The following SDHAF4 variants were observed in gnomAD, a reference collection of about 807,000 sequenced individuals.
SDHAF4 encodes the protein succinate dehydrogenase complex assembly factor 4, also known as succinate dehydrogenase assembly factor 4, mitochondrial.
In SDHAF4, 14 loss-of-function variants were observed where a neutral mutation model predicts 14.3. The observed-to-expected ratio is 0.98, with a 90% CI of 0.65 to 1.53. The LOEUF (loss-of-function observed/expected upper bound fraction) is 1.53, where lower values mean the gene tolerates loss of function less well. SDHAF4 is among the 40% of genes most tolerant of loss of function. The probability of loss-of-function intolerance (pLI) is 0.00; values close to 1 mark genes in which losing one functional copy is unlikely to be tolerated. For missense variants in SDHAF4, 141 were observed against 129.3 expected (o/e 1.09, Z -0.44); for synonymous variants, 63 against 47.3 (o/e 1.33, Z -1.36).
chr6:70,584,949 T>C (rs540016661), intron 2 of SDHAF4, among the ~76,000 whole-genome samples: 244 of 152,334 alleles, frequency 1.6e-3, no homozygotes, highest in African/African-American at 5.3e-3. Context: ...TCTTGGAGTT[T>C]ATTATAAGAC....
At chr6:70,573,648 T>TTTTTCTTTTC (rs752249033) in intron 1 of SDHAF4, among the ~76,000 whole-genome samples, 1 of 151,614 alleles carries the variant, frequency 6.6e-6, no homozygotes, top group African/African-American at 2.4e-5. Flanking sequence ...CTAATTTTTC[T>TTTTTCTTTTC]TTTTCTTTTC....
Position 70,589,385 on chromosome 6 carries a change from C to G in SDHAF4, c.*661C>G, listed in dbSNP as rs1000649552. The G allele has an allele frequency of 2.6e-5, 4 of 152,094 alleles. No homozygotes were observed. The highest frequency in any genetic ancestry group is 5.9e-5 in the Non-Finnish European group (4 of 68,054). 9.4% of individuals were successfully genotyped at this position (152,094 alleles called of 1,614,324 possible). ...TTCACCATGTTAGCCAGGCTGGTCT[C>G]GAACTCCTGACCTCAGTTGATCCAC... On this transcript the variant is annotated 3_prime_UTR_variant, in exon 3 of 3. Transcript: ENST00000370474.
At position 70,579,491 on chromosome 6, in the gene SDHAF4, C is replaced by T. The variant is rs1428066976; in HGVS notation, c.142C>T (p.Leu48Phe). The change falls in exon 2 of 3, where the codon CTT becomes TTT. Residue 48 changes from leucine to phenylalanine, a missense_variant. Coordinates refer to ENST00000370474, the MANE Select transcript of SDHAF4 (RefSeq NM_145267.3). ...GGKSELVKQS[L>F]KKPKLPEGRF... ...AAAGTCTGAACTTGTCAAACAGTCC[C>T]TTAAGAAGCCGAAGTTACCAGAAGG... The T allele has an allele frequency of 2.5e-6, 4 of 1,611,836 alleles. No homozygotes were observed. Among genetic ancestry groups the T allele is most frequent in the Non-Finnish European group, 3.4e-6 (4 of 1,178,872 alleles).
At chr6:70,572,193 T>C (rs2128533812) in intron 1 of SDHAF4, among the ~76,000 whole-genome samples, 1 of 149,596 alleles carries the variant, frequency 6.7e-6, no homozygotes, top group East Asian at 2.1e-4. Context: ...CTCAGCCTCA[T>C]AGCTGGAATT....
intron 1 of SDHAF4, among the ~76,000 whole-genome samples, 155 bp downstream of exon 1, chr6:70,567,159 G>C (rs1156807155): frequency 5.3e-5 from 8 of 152,230 alleles, no homozygotes; most frequent in African/African-American, 1.9e-4. Context: ...CCACCCGGTG[G>C]CCTGGGCAGG....
intron 2 of SDHAF4, among the ~76,000 whole-genome samples, chr6:70,582,258 G>T (rs988987278): frequency 6.6e-6 from 1 of 151,762 alleles, no homozygotes; most frequent in Non-Finnish European, 1.5e-5. Flanking sequence ...AAGAGATAGA[G>T]CTCAGTATGT....
At chr6:70,582,557 G>A (rs1382650620) in intron 2 of SDHAF4, among the ~76,000 whole-genome samples, 2 of 152,040 alleles carry the variant, frequency 1.3e-5, no homozygotes, top group African/African-American at 4.8e-5. Context: ...ACTCACCTTC[G>A]GCCCTCCCAC....
chr6:70,568,880 T>G (rs1581924507), intron 1 of SDHAF4, among the ~76,000 whole-genome samples: 1 of 152,146 alleles, frequency 6.6e-6, no homozygotes, highest in East Asian at 1.9e-4. Flanking sequence ...TGACACCTCA[T>G]TGTGATTTTG....
rs202098262 is a variant in SDHAF4, at chr6:70,573,264, CTTTTTT to C, written c.65-6138_65-6133del. 4.3e-4 allele frequency among the ~76,000 whole-genome samples: 48 copies of C among 110,426 alleles called. 1 individual carries two copies. In the South Asian group the frequency reaches 0.011, roughly 26 times the overall value. The allele number at this position is 110,426 out of a possible 152,430, so 72.4% of individuals were successfully genotyped here. A position where few individuals can be genotyped will look rare whatever the true frequency, so the allele number is the denominator to read the frequency against. ...AATTGTATTTATTCTGCTATTTGGC[CTTTTTT>C]TTTTTTTTTTTGAGACGGAATCTCA... On this transcript the variant is annotated intron_variant, in intron 1 of 2. Coordinates refer to ENST00000370474, the MANE Select transcript of SDHAF4 (RefSeq NM_145267.3).
At chr6:70,594,699 G>A in the SDHAF4 span, among the ~76,000 whole-genome samples, 15 of 152,292 alleles carry the variant, frequency 9.8e-5, no homozygotes, top group African/African-American at 3.6e-4. Context: ...TATCACCTGA[G>A]GCCAGAAGTT....
intron 1 of SDHAF4, among the ~76,000 whole-genome samples, chr6:70,569,435 A>AT (rs1802152442): frequency 6.6e-6 from 1 of 151,798 alleles, no homozygotes; most frequent in Non-Finnish European, 1.5e-5. Flanking sequence ...CACCCAGATA[A>AT]TTTTTTGTAT....
At chr6:70,572,056 G>GT (rs1802186803) in intron 1 of SDHAF4, among the ~76,000 whole-genome samples, 1 of 61,930 alleles carries the variant, frequency 1.6e-5, no homozygotes, top group Non-Finnish European at 3.3e-5. Flanking sequence ...GTCTTTTTTT[G>GT]TCTTTTTTTT....
At chr6:70,586,428 CT>C (rs70990316) in intron 2 of SDHAF4, among the ~76,000 whole-genome samples, 871 of 80,314 alleles carry the variant, frequency 0.011, 1 homozygote, top group African/African-American at 0.019. Flanking sequence ...ATTTGTTTGC[CT>C]TTTTTTTTTT....
intron 2 of SDHAF4, among the ~76,000 whole-genome samples, chr6:70,583,932 T>G (rs1765170028): frequency 6.6e-6 from 1 of 152,208 alleles, no homozygotes; most frequent in African/African-American, 2.4e-5. Flanking sequence ...TGTATTTGGA[T>G]AGAGGTTGTT....
chr6:70,585,888 G>A (rs1765189368), intron 2 of SDHAF4, among the ~76,000 whole-genome samples: 1 of 152,040 alleles, frequency 6.6e-6, no homozygotes, highest in South Asian at 2.1e-4. Flanking sequence ...ATATAGTTTG[G>A]GTAATCATTC....
chr6:70,593,684 G>GTT (rs68046686), downstream of SDHAF4, among the ~76,000 whole-genome samples: 3 of 123,140 alleles, frequency 2.4e-5, no homozygotes, highest in Non-Finnish European at 5.4e-5. Flanking sequence ...AGCTTCAAGG[G>GTT]TTTTTTTTTG....
intron 1 of SDHAF4, among the ~76,000 whole-genome samples, chr6:70,573,688 A>AT (rs1174633993): frequency 2.0e-5 from 2 of 97,664 alleles, no homozygotes; most frequent in African/African-American, 7.7e-5. Flanking sequence ...TTTTTTTTTT[A>AT]TTTTTTATAC....
At chr6:70,585,033 T>G (rs772555087) in intron 2 of SDHAF4, among the ~76,000 whole-genome samples, 9 of 152,156 alleles carry the variant, frequency 5.9e-5, no homozygotes, top group Non-Finnish European at 2.9e-5. Flanking sequence ...GGCATTAGAA[T>G]GAGAGGCTGG....
intron 1 of SDHAF4, among the ~76,000 whole-genome samples, chr6:70,569,078 G>A (rs1283442115): frequency 7.0e-6 from 1 of 142,858 alleles, no homozygotes; most frequent in African/African-American, 2.6e-5. Context: ...CCATTCTCCT[G>A]CCTCAGCCTC....
Sources: gnomAD v4.1 joint callset for allele counts (sites outside exome capture counted in the v4.1 genomes callset) on GRCh38, gnomAD v4.1.1 for gene constraint, MANE v1.5 for transcripts, NCBI Gene and HGNC (gene_info 2026-07-23, HGNC 2026-07-21) for gene names.